The following OPCML variants were observed in gnomAD, a reference collection of about 807,000 sequenced individuals.
The protein encoded by OPCML is opioid binding protein/cell adhesion molecule like, also known as opioid-binding protein/cell adhesion molecule.
Under a neutral mutation model 37.8 loss-of-function variants are expected in OPCML, and 13 were observed. That is an observed-to-expected ratio of 0.34 (90% CI 0.22 to 0.55). The LOEUF (loss-of-function observed/expected upper bound fraction) is 0.55, where lower values mean the gene tolerates loss of function less well. OPCML is among the 20% of genes least tolerant of loss of function. The pLI is 0.91. For synonymous variants in OPCML, 176 were observed against 168.8 expected, an observed-to-expected ratio of 1.04 and a Z score of -0.33; for missense variants, 341 against 435.6, an observed-to-expected ratio of 0.78 and a Z score of 1.93.
At chr11:133,182,674 G>A (rs1020846267) in intron 1 of OPCML, among the ~76,000 whole-genome samples, 2 of 152,222 alleles carry the variant, frequency 1.3e-5, no homozygotes, top group Admixed American at 1.3e-4. Context: ...GAGAGCCAGA[G>A]CGGAGATGCC....
At chr11:132,474,903 C>G (rs2096150120) in intron 4 of OPCML, among the ~76,000 whole-genome samples, 1 of 152,196 alleles carries the variant, frequency 6.6e-6, no homozygotes, top group African/African-American at 2.4e-5. Flanking sequence ...AAGGCATAAT[C>G]CCCTGGTCAC....
chr11:132,692,315 A>T (rs541269946), intron 2 of OPCML, among the ~76,000 whole-genome samples: 2 of 152,254 alleles, frequency 1.3e-5, no homozygotes, highest in African/African-American at 4.8e-5. Context: ...TCCATATAAA[A>T]TGAGTGCTGT....
intron 1 of OPCML, among the ~76,000 whole-genome samples, chr11:133,138,305 G>T (rs1949721221): frequency 6.6e-6 from 1 of 152,152 alleles, no homozygotes; most frequent in South Asian, 2.1e-4. Flanking sequence ...AGAATTGTGG[G>T]CTAAACGTCT....
chr11:133,337,586 A>G (rs1006253689), intron 1 of OPCML, among the ~76,000 whole-genome samples: 1 of 152,170 alleles, frequency 6.6e-6, no homozygotes. Flanking sequence ...GAAGCCTTAC[A>G]TACTGTACAG....
Position 133,174,248 on chromosome 11 carries a change from G to A in OPCML, c.62-231238C>T, listed in dbSNP as rs1342792927. The stretch of plus-strand genomic sequence containing the variant: ...AGCTCCGGAGTAACTCCTAGAAGGC[G>A]AAGCATGATTAGAACCAAGCCTTCC... On this transcript the variant is annotated intron_variant, in intron 1 of 7. Transcript: ENST00000524381. This position sits in a 1 kb window ranked among gnomAD's most constrained non-coding sequence, Gnocchi z 4.6. Among the ~76,000 whole-genome samples the A allele has an allele frequency of 1.3e-5, 2 of 152,158 alleles. No individual in the cohort carries two copies. The highest frequency in any genetic ancestry group is 1.5e-5 in the Non-Finnish European group (1 of 68,026).
chr11:133,520,185 G>A (rs1948369413), intron 1 of OPCML, among the ~76,000 whole-genome samples: 1 of 152,062 alleles, frequency 6.6e-6, no homozygotes, highest in African/African-American at 2.4e-5. Flanking sequence ...GACTTTTGCT[G>A]CCCAGAAGAC....
intron 2 of OPCML, among the ~76,000 whole-genome samples, chr11:132,889,243 G>GCTCCTTCTGTTCTTACGTT (rs1338275648): frequency 6.6e-6 from 1 of 152,196 alleles, no homozygotes; most frequent in Non-Finnish European, 1.5e-5. Context: ...AATAATGGTG[G>GCTCCTTCTGTTCTTACGTT]CTCCTTCTGT....
intron 2 of OPCML, among the ~76,000 whole-genome samples, chr11:132,711,776 T>G (rs1054710903): frequency 6.6e-6 from 1 of 152,198 alleles, no homozygotes; most frequent in African/African-American, 2.4e-5. Context: ...TGTATATATG[T>G]GTATGTGTGT....
chr11:133,304,207 C>T (rs1181024661), intron 1 of OPCML, among the ~76,000 whole-genome samples: 3 of 152,186 alleles, frequency 2.0e-5, no homozygotes, highest in South Asian at 2.1e-4. Context: ...ATGCAGCAAA[C>T]GTCTGCTGGG....
chr11:132,888,406 C>T (rs1485780688), intron 2 of OPCML, among the ~76,000 whole-genome samples: 1 of 152,136 alleles, frequency 6.6e-6, no homozygotes, highest in African/African-American at 2.4e-5. Flanking sequence ...GGAAGCACAG[C>T]CATGCCTTCA....
intron 2 of OPCML, among the ~76,000 whole-genome samples, chr11:132,917,496 C>G (rs7926540): frequency 0.25 from 37,306 of 152,014 alleles, 7,951 homozygotes; most frequent in African/African-American, 0.57. Flanking sequence ...TGAAGAGATC[C>G]CAGACAGATC....
chr11:133,437,487 G>A (rs1445832675), intron 1 of OPCML, among the ~76,000 whole-genome samples: 1 of 152,084 alleles, frequency 6.6e-6, no homozygotes, highest in Non-Finnish European at 1.5e-5. Context: ...GACAATTAGG[G>A]TCTGGTACAC....
At chr11:132,822,524 G>A (rs1940059004) in intron 2 of OPCML, among the ~76,000 whole-genome samples, 1 of 151,770 alleles carries the variant, frequency 6.6e-6, no homozygotes, top group Non-Finnish European at 1.5e-5. Context: ...GTGTGTGTGT[G>A]CGCGCACACA....
chr11:133,408,812 A>C (rs545294596), intron 1 of OPCML, among the ~76,000 whole-genome samples: 1 of 152,306 alleles, frequency 6.6e-6, no homozygotes, highest in South Asian at 2.1e-4. Flanking sequence ...TCTTTTTCTC[A>C]TCATTGTTAT....
chr11:132,946,325 A>G lies in OPCML; in HGVS notation c.62-3315T>C, dbSNP rs118182200. 7.3e-3 allele frequency among the ~76,000 whole-genome samples: 1,116 copies of G among 152,376 alleles called. 8 individuals are homozygous for G. The highest frequency in any genetic ancestry group is 0.012 in the Non-Finnish European group (820 of 68,038). On this transcript the variant is annotated intron_variant, in intron 1 of 7. Transcript: ENST00000524381. ...CAATCACCTTTTTAAAATAAGTAGC[A>G]GGAGCATACTGTAAAGATAAAAAGT...
chr11:133,146,312 CTT>C (rs869237328), intron 1 of OPCML, among the ~76,000 whole-genome samples: 2,875 of 128,674 alleles, frequency 0.022, 82 homozygotes, highest in African/African-American at 0.075. Context: ...TCCATCTTTT[CTT>C]TTTTTTTTTT....
chr11:133,072,461 A>G (rs546546612), intron 1 of OPCML, among the ~76,000 whole-genome samples: 2 of 152,368 alleles, frequency 1.3e-5, no homozygotes, highest in East Asian at 3.9e-4. Context: ...AAATCTAGAT[A>G]TGGTTAACTA....
At chr11:132,473,904 CA>C (rs1224605520) in intron 4 of OPCML, among the ~76,000 whole-genome samples, 1 of 152,230 alleles carries the variant, frequency 6.6e-6, no homozygotes, top group Middle Eastern at 3.4e-3. Flanking sequence ...GATGAAAATC[CA>C]AACAGAACAC....
At chr11:133,310,585 G>T (rs888227101) in intron 1 of OPCML, among the ~76,000 whole-genome samples, 2 of 151,870 alleles carry the variant, frequency 1.3e-5, no homozygotes, top group African/African-American at 4.8e-5. Context: ...GCTTTTTTGG[G>T]CCCTGTACTT....
Sources: gnomAD v4.1 joint callset for allele counts (sites outside exome capture counted in the v4.1 genomes callset) on GRCh38, gnomAD v4.1.1 for gene constraint, Gnocchi (gnomAD v3.1) non-coding constraint, MANE v1.5 for transcripts, NCBI Gene and HGNC (gene_info 2026-07-23, HGNC 2026-07-21) for gene names.